The following NNT variants were observed in gnomAD, a reference collection of about 807,000 sequenced individuals.
NNT encodes the protein NAD(P) transhydrogenase, mitochondrial.
In NNT, 50 loss-of-function variants were observed where a neutral mutation model predicts 104.8. That is an observed-to-expected ratio of 0.48 (90% CI 0.38 to 0.60). The LOEUF (loss-of-function observed/expected upper bound fraction) is 0.60. NNT is among the 20% of genes least tolerant of loss of function. NNT has a pLI of 0.00. For synonymous variants in NNT, 461 were observed against 490.4 expected, an observed-to-expected ratio of 0.94 and a Z score of 0.79; for missense variants, 1,131 against 1,330.7, an observed-to-expected ratio of 0.85 and a Z score of 2.33.
chr5:43,651,864 A>G lies in NNT; in HGVS notation c.1843A>G (p.Ser615Gly), dbSNP rs1220550635. The change falls in exon 13 of 22, where the codon AGT (serine) becomes GGT (glycine). Residue 615 changes from serine (S) to glycine (G), a missense_variant. Transcript: ENST00000344920. ...TGGTGGATATTTAGCTGCCCTCTAC[A>G]GTGGTTATAACATTGAACAGGTAAG... is the stretch of plus-strand genomic sequence containing the variant. ...FVGGYLAALY[S>G]GYNIEQIMYL... 1.2e-6 allele frequency: 2 copies of G among 1,614,168 alleles called. No individual in the cohort carries two copies. Among genetic ancestry groups the G allele is most frequent in the Non-Finnish European group, 1.7e-6 (2 of 1,180,028 alleles).
At chr5:43,675,418 A>T in intron 17 of NNT, 93 bp from the exon 18 acceptor site, 1 of 1,154,496 alleles carries the variant, frequency 8.7e-7, no homozygotes, top group Non-Finnish European at 1.2e-6. Context: ...TAAACCTTTT[A>T]AAATGATTCC....
At chr5:43,679,224 G>A (rs1580102659) in intron 19 of NNT, among the ~76,000 whole-genome samples, 1 of 152,150 alleles carries the variant, frequency 6.6e-6, no homozygotes, top group South Asian at 2.1e-4. Flanking sequence ...GTTAAACAAC[G>A]TTTTATGATT....
intron 19 of NNT, among the ~76,000 whole-genome samples, chr5:43,683,600 AC>A (rs1741831160): frequency 6.6e-6 from 1 of 152,220 alleles, no homozygotes; most frequent in Admixed American, 6.5e-5. Context: ...CTGAGTTTTT[AC>A]AATGAAGTTC....
chr5:43,603,912 C>T (rs955954973), intron 1 of NNT, among the ~76,000 whole-genome samples: 2 of 152,044 alleles, frequency 1.3e-5, no homozygotes, highest in Admixed American at 1.3e-4. Flanking sequence ...GAAGAGACAG[C>T]GGAGAGGGCG....
At chr5:43,625,699 G>A (rs112301089) in intron 6 of NNT, among the ~76,000 whole-genome samples, 5,470 of 152,082 alleles carry the variant, frequency 0.036, 161 homozygotes, top group Non-Finnish European at 0.048. Context: ...ACCCCTCTTA[G>A]CAATAGTGAT....
rs969433599 is a variant in NNT at position 43,615,139 on chromosome 5, G to A, written c.382-709G>A. Reference sequence around the variant, plus strand: ...GGCCTGGGCGACAGAGCGAGACTCCGTCTCAAAAAACAAAAAAAAATAAAT... The same window carrying A: ...GGCCTGGGCGACAGAGCGAGACTCCATCTCAAAAAACAAAAAAAAATAAAT... On this transcript the variant is annotated intron_variant, in intron 3 of 21. Transcript: ENST00000344920. 2.0e-5 allele frequency among the ~76,000 whole-genome samples: 3 copies of A among 151,248 alleles called. No individual in the cohort carries two copies. The East Asian group carries it at 5.8e-4, about 29-fold the overall frequency.
intron 2 of NNT, among the ~76,000 whole-genome samples, chr5:43,612,520 C>A (rs1156672427): frequency 1.3e-5 from 2 of 152,198 alleles, no homozygotes; most frequent in Non-Finnish European, 2.9e-5. Flanking sequence ...TAGCTAATTA[C>A]TTCCAATTTT....
At chr5:43,655,767 A>C (rs1298270247) in intron 14 of NNT, 73 bp from the exon 15 acceptor site, 1 of 1,025,644 alleles carries the variant, frequency 9.7e-7, no homozygotes, top group East Asian at 2.5e-5. Context: ...GGAAATCCTT[A>C]AGGGTGATCT....
At chr5:43,627,093 G>A (rs1325591154) in intron 6 of NNT, among the ~76,000 whole-genome samples, 5 of 152,080 alleles carry the variant, frequency 3.3e-5, no homozygotes, top group South Asian at 4.1e-4. Context: ...ATGCTCCTCC[G>A]TGCTATCAAG....
chr5:43,637,973 G>A (rs181466791), intron 7 of NNT, among the ~76,000 whole-genome samples: 2 of 152,236 alleles, frequency 1.3e-5, no homozygotes, highest in African/African-American at 4.8e-5. Context: ...ATCTTGAATT[G>A]TTGTTCCCAT....
intron 17 of NNT, chr5:43,667,133 C>G: frequency 1.3e-6 from 2 of 1,497,996 alleles, no homozygotes; most frequent in Non-Finnish European, 1.8e-6. Flanking sequence ...GGGTCCACCC[C>G]CTTAAGAGAT....
At chr5:43,631,070 T>C (rs1750649614) in intron 7 of NNT, among the ~76,000 whole-genome samples, 1 of 152,142 alleles carries the variant, frequency 6.6e-6, no homozygotes, top group Admixed American at 6.6e-5. Flanking sequence ...CCAAATGTGT[T>C]TTTCTTTCTG....
At chr5:43,603,708 T>TA (rs998420178) in intron 1 of NNT, among the ~76,000 whole-genome samples, 1 of 152,040 alleles carries the variant, frequency 6.6e-6, no homozygotes, top group African/African-American at 2.4e-5. Flanking sequence ...AGGGAGGTCA[T>TA]AGAGGACTTT....
At chr5:43,682,680 G>T (rs910954996) in intron 19 of NNT, among the ~76,000 whole-genome samples, 1 of 152,118 alleles carries the variant, frequency 6.6e-6, no homozygotes, top group Admixed American at 6.6e-5. Context: ...AAATTATCTT[G>T]TATAGTATTT....
chr5:43,697,222 A>T, intron 19 of NNT, among the ~76,000 whole-genome samples: 1 of 152,138 alleles, frequency 6.6e-6, no homozygotes, highest in Admixed American at 6.5e-5. Context: ...ATTCTAAATC[A>T]TCTCACTCAA....
chr5:43,695,816 C>A (rs1742528352), intron 19 of NNT, among the ~76,000 whole-genome samples: 1 of 152,042 alleles, frequency 6.6e-6, no homozygotes, highest in South Asian at 2.1e-4. Flanking sequence ...TGGATGGGAG[C>A]AAGCCAAAAA....
At chr5:43,669,219 T>C (rs960625878) in intron 17 of NNT, among the ~76,000 whole-genome samples, 1 of 152,162 alleles carries the variant, frequency 6.6e-6, no homozygotes, top group African/African-American at 2.4e-5. Context: ...AATCATGTCA[T>C]CTGCAAACAG....
At chr5:43,617,723 A>C (rs1749864186) in intron 4 of NNT, among the ~76,000 whole-genome samples, 1 of 152,188 alleles carries the variant, frequency 6.6e-6, no homozygotes, top group South Asian at 2.1e-4. Flanking sequence ...TATTTTTCAG[A>C]ATAGCAACTG....
chr5:43,701,188 T>C (rs73751801), intron 20 of NNT, among the ~76,000 whole-genome samples: 2,130 of 152,150 alleles, frequency 0.014, 52 homozygotes, highest in African/African-American at 0.044. Flanking sequence ...GGGTTGGAGG[T>C]AGTGAGCATA....
Sources: gnomAD v4.1 joint callset for allele counts (sites outside exome capture counted in the v4.1 genomes callset) on GRCh38, gnomAD v4.1.1 for gene constraint, MANE v1.5 for transcripts, NCBI Gene and HGNC (gene_info 2026-07-23, HGNC 2026-07-21) for gene names.